ATP2B4: variants seen among roughly 807,000 people sequenced by gnomAD.
The protein encoded by ATP2B4 is ATPase plasma membrane Ca2+ transporting 4.
In ATP2B4, 39 loss-of-function variants were observed where a neutral mutation model predicts 110.3. The ratio of observed to expected loss-of-function variants is 0.35; its 90% CI spans 0.27 to 0.46. ATP2B4 has a LOEUF of 0.46. ATP2B4 is among the 20% of genes least tolerant of loss of function. The probability of loss-of-function intolerance (pLI) is 1.00; values close to 1 mark genes in which losing one functional copy is unlikely to be tolerated. For missense variants in ATP2B4, 1,135 were observed against 1,530.9 expected (o/e 0.74, Z 4.32); for synonymous variants, 538 against 571.7 (o/e 0.94, Z 0.84).
intron 3 of ATP2B4, 67 bp downstream of exon 3, chr1:203,698,421 T>G (rs1665597945): frequency 4.7e-4 from 660 of 1,406,750 alleles, no homozygotes; most frequent in Middle Eastern, 5.3e-4. Context: ...ACCAAGCGCT[T>G]AGTATTGGTG....
At chr1:203,672,356 T>C (rs1664696939) in intron 1 of ATP2B4, among the ~76,000 whole-genome samples, 1 of 59,656 alleles carries the variant, frequency 1.7e-5, no homozygotes, top group South Asian at 5.5e-4. Flanking sequence ...TTTTTTTTTT[T>C]AAAGCTGATT....
At chr1:203,719,121 A>G (rs1379856938) in intron 15 of ATP2B4, among the ~76,000 whole-genome samples, 2 of 149,160 alleles carry the variant, frequency 1.3e-5, no homozygotes, top group Non-Finnish European at 3.0e-5. Flanking sequence ...GCTACTCAGG[A>G]GGCTGAGGTG....
At chr1:203,688,539 C>T (rs773844632) in intron 2 of ATP2B4, among the ~76,000 whole-genome samples, 3 of 151,698 alleles carry the variant, frequency 2.0e-5, no homozygotes, top group Admixed American at 6.6e-5. Flanking sequence ...TGGCCTCAAG[C>T]GATCTGCCCA....
intron 1 of ATP2B4, among the ~76,000 whole-genome samples, chr1:203,638,662 C>T (rs114592696): frequency 1.1e-4 from 16 of 152,212 alleles, no homozygotes; most frequent in South Asian, 4.2e-4. Flanking sequence ...ACTGGGACCT[C>T]GACCCCATCA....
chr1:203,702,118 C>G (rs1295888498), intron 7 of ATP2B4, 39 bp downstream of exon 7: 1 of 1,611,254 alleles, frequency 6.2e-7, no homozygotes, highest in Non-Finnish European at 8.5e-7. Flanking sequence ...CTCTACCTGC[C>G]CACACTCAAA....
At position 203,739,945 on chromosome 1, in the gene ATP2B4, C is replaced by T. The variant is rs765693377; in HGVS notation, c.*91C>T. The T allele has an allele frequency of 9.6e-5, 129 of 1,337,050 alleles. No individual in the cohort carries two copies. Among genetic ancestry groups the T allele is most frequent in the Non-Finnish European group, 1.1e-4 (112 of 981,542 alleles). 82.8% of individuals were successfully genotyped at this position (1,337,050 alleles called of 1,614,324 possible). Reference sequence around the variant, plus strand: ...GTGATGATGGGACTTTTCATTGTCACGTCAGCTGCTGTGTTAACAGCAGTG... The same window carrying T: ...GTGATGATGGGACTTTTCATTGTCATGTCAGCTGCTGTGTTAACAGCAGTG... On this transcript the variant is annotated 3_prime_UTR_variant, in exon 21 of 21. Coordinates refer to ENST00000357681, the MANE Select transcript of ATP2B4 (RefSeq NM_001684.5).
chr1:203,743,590 A>G lies in ATP2B4; in HGVS notation c.*3736A>G, dbSNP rs1247469525. On this transcript the variant is annotated 3_prime_UTR_variant, in exon 21 of 21. Coordinates refer to ENST00000357681, the MANE Select transcript of ATP2B4 (RefSeq NM_001684.5). ...TATGCCATATGTGAATATGCCATAT[A>G]TATGTGCCAACAAATCTATCTACGT... The G allele has an allele frequency of 6.5e-6, 1 of 152,680 alleles. No individual in the cohort carries two copies. The highest frequency in any genetic ancestry group is 1.5e-5 in the Non-Finnish European group (1 of 68,050). The allele number at this position is 152,680 out of a possible 1,614,324, so 9.5% of individuals were successfully genotyped here.
intron 13 of ATP2B4, 140 bp downstream of exon 13, chr1:203,712,279 A>T: frequency 9.6e-7 from 1 of 1,044,686 alleles, no homozygotes; most frequent in South Asian, 1.6e-5. Context: ...TCCTTGTACC[A>T]AACTGCTGAT....
At chr1:203,724,080 C>T in intron 19 of ATP2B4, 92 bp downstream of exon 19, 2 of 1,056,572 alleles carry the variant, frequency 1.9e-6, no homozygotes, top group Non-Finnish European at 1.3e-6. Context: ...TGGAGACCCC[C>T]CAGCTCCTCA....
chr1:203,694,824 A>G (rs1458210153), intron 2 of ATP2B4, among the ~76,000 whole-genome samples: 4 of 152,194 alleles, frequency 2.6e-5, no homozygotes, highest in Non-Finnish European at 5.9e-5. Context: ...GATGATTGCT[A>G]TAATCCAGAT....
chr1:203,640,742 G>A (rs528527920), intron 1 of ATP2B4, among the ~76,000 whole-genome samples: 1 of 152,298 alleles, frequency 6.6e-6, no homozygotes, highest in East Asian at 1.9e-4. Flanking sequence ...AGTGAACAGT[G>A]AGGTCGATAT....
At position 203,655,279 on chromosome 1, in the gene ATP2B4, G is replaced by T. The variant is rs1241563356; in HGVS notation, c.-464-27463G>T. 3.9e-5 allele frequency among the ~76,000 whole-genome samples: 6 copies of T among 152,230 alleles called. No individual in the cohort carries two copies. The East Asian group carries it at 1.2e-3, about 29-fold the overall frequency. The stretch of plus-strand genomic sequence containing the variant: ...GATAAAGCAGCTGCAGGGTTTGAGA[G>T]GACTGACTTCAATTTTGAAAGAAGT... On this transcript the variant is annotated intron_variant, in intron 1 of 20. Transcript: ENST00000357681.
chr1:203,659,375 A>C (rs1664263734), intron 1 of ATP2B4, among the ~76,000 whole-genome samples: 1 of 152,258 alleles, frequency 6.6e-6, no homozygotes, highest in South Asian at 2.1e-4. Flanking sequence ...GTATTTAAAA[A>C]TTATAGTTTC....
In ATP2B4 at chr1:203,657,455, A is replaced by G. The variant is rs559063269; in HGVS notation, c.-464-25287A>G. On this transcript the variant is annotated intron_variant, in intron 1 of 20. Coordinates refer to ENST00000357681, the MANE Select transcript of ATP2B4 (RefSeq NM_001684.5). ...TCATATTGGAAAGTACTTTGGCTCG[A>G]GATTGTCCCTCTCTGTCCAGCAGAT... is the stretch of plus-strand genomic sequence containing the variant. The G allele has an allele frequency of 4.8e-5, 38 of 785,558 alleles. No homozygotes were observed. In the African/African-American group the frequency reaches 6.1e-4, roughly 13 times the overall value. The allele number at this position is 785,558 out of a possible 1,614,324, so 48.7% of individuals were successfully genotyped here. A position where few individuals can be genotyped will look rare whatever the true frequency, so the allele number is the denominator to read the frequency against.
intron 1 of ATP2B4, among the ~76,000 whole-genome samples, chr1:203,634,489 C>G (rs1360241524): frequency 6.6e-6 from 1 of 151,950 alleles, no homozygotes; most frequent in Admixed American, 6.6e-5. Context: ...GACACAGTGC[C>G]AGACTGGAAC....
intron 20 of ATP2B4, among the ~76,000 whole-genome samples, chr1:203,738,165 T>C (rs1666916665): frequency 6.6e-6 from 1 of 151,982 alleles, no homozygotes; most frequent in Admixed American, 6.6e-5. Flanking sequence ...ATTTCTTTTC[T>C]GAGTGAAGAT....
At chr1:203,676,839 G>C (rs1664843272) in intron 1 of ATP2B4, among the ~76,000 whole-genome samples, 1 of 152,084 alleles carries the variant, frequency 6.6e-6, no homozygotes. Flanking sequence ...GGGAGGACAA[G>C]GGGGAAGGGA....
chr1:203,723,783 T>G, intron 18 of ATP2B4, 98 bp from the exon 19 acceptor site: 2 of 916,532 alleles, frequency 2.2e-6, no homozygotes, highest in Non-Finnish European at 3.3e-6. Context: ...CCAAGGATCC[T>G]GAGGAGTGGG....
At position 203,739,937 on chromosome 1, in the gene ATP2B4, C is replaced by T. The variant is rs1456827147; in HGVS notation, c.*83C>T. 3 of 1,429,132 alleles carry T rather than the reference C, an allele frequency of 2.1e-6. No individual in the cohort carries two copies. The East Asian group carries it at 7.0e-5, about 33-fold the overall frequency. The allele number at this position is 1,429,132 out of a possible 1,614,324, so 88.5% of individuals were successfully genotyped here. Reference sequence around the variant, plus strand: ...TCTATGAGGTGATGATGGGACTTTTCATTGTCACGTCAGCTGCTGTGTTAA... The same window carrying T: ...TCTATGAGGTGATGATGGGACTTTTTATTGTCACGTCAGCTGCTGTGTTAA... On this transcript the variant is annotated 3_prime_UTR_variant, in exon 21 of 21. Transcript: ENST00000357681.
Sources: gnomAD v4.1 joint callset for allele counts (sites outside exome capture counted in the v4.1 genomes callset) on GRCh38, gnomAD v4.1.1 for gene constraint, MANE v1.5 for transcripts, NCBI Gene and HGNC (gene_info 2026-07-23, HGNC 2026-07-21) for gene names.